Variants in CSTF3 observed in about 807,000 individuals in gnomAD.
The protein encoded by CSTF3 is cleavage stimulation factor subunit 3.
A neutral mutation model predicts 105.8 loss-of-function variants in CSTF3; 29 were observed. The observed-to-expected ratio is 0.27, with a 90% confidence interval of 0.20 to 0.37. The LOEUF is 0.37. Ranked by LOEUF, CSTF3 falls within the 10% of genes least tolerant of loss-of-function variation. The pLI, the probability that CSTF3 is intolerant of heterozygous loss-of-function variation, is 1.00. For missense variants in CSTF3, 357 were observed against 879.3 expected, an observed-to-expected ratio of 0.41 and a Z score of 7.51; for synonymous variants, 252 against 281.9, an observed-to-expected ratio of 0.89 and a Z score of 1.06.
intron 3 of CSTF3, among the ~76,000 whole-genome samples, chr11:33,112,357 G>A (rs1018679706): frequency 1.3e-5 from 2 of 152,032 alleles, no homozygotes; most frequent in Non-Finnish European, 2.9e-5. Flanking sequence ...CTCTCTTACA[G>A]TATCAGCTTT....
At chr11:33,109,190 CTCTTT>C (rs767713231) in intron 3 of CSTF3, among the ~76,000 whole-genome samples, 5 of 152,182 alleles carry the variant, frequency 3.3e-5, no homozygotes, top group Non-Finnish European at 5.9e-5. Flanking sequence ...TATTAGATTT[CTCTTT>C]TCTTTGAGTA....
intron 8 of CSTF3, 50 bp from the exon 9 acceptor site, chr11:33,103,234 T>C (rs1298052078): frequency 2.4e-6 from 2 of 828,014 alleles, no homozygotes; most frequent in Non-Finnish European, 3.8e-6. Context: ...TCTTAAAAAT[T>C]AGTACAATAC....
intron 3 of CSTF3, among the ~76,000 whole-genome samples, chr11:33,121,346 A>G (rs765625167): frequency 6.6e-6 from 1 of 152,150 alleles, no homozygotes; most frequent in Non-Finnish European, 1.5e-5. Flanking sequence ...CAGAATATTT[A>G]TAAAATTATT....
In CSTF3 at chr11:33,154,129, T is replaced by C. The variant is rs547742002; in HGVS notation, c.27+7170A>G. Among the ~76,000 whole-genome samples the C allele has an allele frequency of 8.5e-5, 13 of 152,332 alleles. No homozygotes were observed. In the South Asian group the frequency reaches 2.7e-3, roughly 32 times the overall value. On this transcript the variant is annotated intron_variant, in intron 1 of 20. Transcript: ENST00000323959. Reference sequence around the variant, plus strand: ...TAACTCTGTGGTCTGCAAGCTTTTATTGACATAAAAACCACTGTGGTACCT... The same window carrying C: ...TAACTCTGTGGTCTGCAAGCTTTTACTGACATAAAAACCACTGTGGTACCT...
intron 14 of CSTF3, 107 bp from the exon 15 acceptor site, chr11:33,096,515 A>C: frequency 1.4e-6 from 1 of 734,954 alleles, no homozygotes; most frequent in East Asian, 2.8e-5. Flanking sequence ...GTAAGAATTA[A>C]AACAAATTAA....
At chr11:33,111,070 A>T (rs1855374683) in intron 3 of CSTF3, among the ~76,000 whole-genome samples, 1 of 152,118 alleles carries the variant, frequency 6.6e-6, no homozygotes, top group African/African-American at 2.4e-5. Context: ...GTCTACTAAA[A>T]ATACAAAAAA....
chr11:33,106,958 G>T (rs1044252904), intron 5 of CSTF3, among the ~76,000 whole-genome samples: 1 of 152,032 alleles, frequency 6.6e-6, no homozygotes, highest in Non-Finnish European at 1.5e-5. Flanking sequence ...TAGGGAAAAA[G>T]AACTTCCACT....
At chr11:33,148,521 A>G (rs1168054862) in intron 1 of CSTF3, among the ~76,000 whole-genome samples, 1 of 152,010 alleles carries the variant, frequency 6.6e-6, no homozygotes, top group Non-Finnish European at 1.5e-5. Flanking sequence ...ACACAGTGAC[A>G]CCCCGTCTCT....
At chr11:33,103,065 G>C in intron 9 of CSTF3, 42 bp downstream of exon 9, 1 of 1,262,922 alleles carries the variant, frequency 7.9e-7, no homozygotes, top group Non-Finnish European at 1.1e-6. Context: ...GTAAACAACA[G>C]ACTCATAATA....
chr11:33,117,635 A>T (rs114816959), intron 3 of CSTF3, among the ~76,000 whole-genome samples: 1,580 of 146,542 alleles, frequency 0.011, 27 homozygotes, highest in African/African-American at 0.036. Flanking sequence ...TGAGCTCTTA[A>T]CCACTATACT....
At chr11:33,094,664 TTAAG>T (rs1341661402) in intron 15 of CSTF3, among the ~76,000 whole-genome samples, 1 of 152,114 alleles carries the variant, frequency 6.6e-6, no homozygotes, top group Non-Finnish European at 1.5e-5. Context: ...TTTTTTGGAG[TTAAG>T]TCTTTTTCCC....
chr11:33,142,813 G>A (rs1855730498), intron 1 of CSTF3, among the ~76,000 whole-genome samples: 1 of 152,096 alleles, frequency 6.6e-6, no homozygotes, highest in Non-Finnish European at 1.5e-5. Context: ...TTCAATGTTT[G>A]ACTTTTTAAA....
chr11:33,146,446 A>C (rs1325863081), intron 1 of CSTF3, among the ~76,000 whole-genome samples: 2 of 152,056 alleles, frequency 1.3e-5, no homozygotes, highest in African/African-American at 4.8e-5. Context: ...CCAGCTACTC[A>C]AGAGGCTAAG....
rs1159728974 is a variant in CSTF3, at chr11:33,106,084, C to T, written c.357-20G>A. ...TTTTCTCTGAAATGAACATGAAAGA[C>T]GTGGTTTTTAAATTTTTTTGTTATT... On this transcript the variant is annotated intron_variant, in intron 5 of 20. Transcript: ENST00000323959. 16 of 1,600,906 alleles carry T rather than the reference C, an allele frequency of 1.0e-5. No individual in the cohort carries two copies. The highest frequency in any genetic ancestry group is 3.3e-5 in the South Asian group (3 of 89,746).
chr11:33,155,378 A>T (rs759904044), intron 1 of CSTF3, among the ~76,000 whole-genome samples: 11 of 79,704 alleles, frequency 1.4e-4, no homozygotes, highest in South Asian at 3.7e-4. Flanking sequence ...AAATAAAAAT[A>T]AAAAAATTAA....
intron 16 of CSTF3, 102 bp downstream of exon 16, chr11:33,092,169 C>T: frequency 1.5e-6 from 1 of 684,940 alleles, no homozygotes; most frequent in Non-Finnish European, 2.3e-6. Flanking sequence ...AAGGAAATTT[C>T]TCTTGAAACT....
intron 3 of CSTF3, among the ~76,000 whole-genome samples, chr11:33,131,690 C>CAA (rs370372992): frequency 2.8e-4 from 41 of 145,120 alleles, no homozygotes; most frequent in South Asian, 1.5e-3. Context: ...ACTAAAAATA[C>CAA]AAAAAAAAAA....
At chr11:33,106,795 T>G (rs1237990496) in intron 5 of CSTF3, among the ~76,000 whole-genome samples, 1 of 152,202 alleles carries the variant, frequency 6.6e-6, no homozygotes, top group Non-Finnish European at 1.5e-5. Context: ...TCATTTAAGT[T>G]GCATAATTCT....
chr11:33,126,189 G>A (rs1214339581), intron 3 of CSTF3, among the ~76,000 whole-genome samples: 2 of 152,158 alleles, frequency 1.3e-5, no homozygotes, highest in African/African-American at 4.8e-5. Context: ...GTCAGGCACA[G>A]TGGCTCATGC....
Sources: allele counts gnomAD v4.1 joint callset (sites outside exome capture counted in the v4.1 genomes callset), GRCh38; gene constraint gnomAD v4.1.1; transcripts MANE v1.5; gene names NCBI Gene and HGNC (gene_info 2026-07-23, HGNC 2026-07-21).